Variants in TECRL observed in about 807,000 individuals in gnomAD.
TECRL encodes the protein trans-2,3-enoyl-CoA reductase-like.
A neutral mutation model predicts 52.8 loss-of-function variants in TECRL; 63 were observed. That is an observed-to-expected ratio of 1.19 (90% confidence interval 0.97 to 1.47). The LOEUF (loss-of-function observed/expected upper bound fraction) is 1.47, where lower values mean the gene tolerates loss of function less well. Ranked by LOEUF, TECRL falls within the 40% of genes most tolerant of loss-of-function variation. TECRL has a pLI of 0.00. For missense variants in TECRL, 482 were observed against 429.6 expected (o/e 1.12, Z -1.08); for synonymous variants, 164 against 141.9 (o/e 1.16, Z -1.10).
intron 2 of TECRL, among the ~76,000 whole-genome samples, chr4:64,360,720 G>A (rs1721122343): frequency 6.6e-6 from 1 of 152,130 alleles, no homozygotes; most frequent in Admixed American, 6.6e-5. Flanking sequence ...CCAAGCATTG[G>A]GACTCATTCC....
At chr4:64,402,177 A>C (rs189642008) in intron 1 of TECRL, among the ~76,000 whole-genome samples, 2 of 152,226 alleles carry the variant, frequency 1.3e-5, no homozygotes, top group East Asian at 3.9e-4. Context: ...TAACATTTAG[A>C]TGGCTTTCAA....
chr4:64,356,555 T>C (rs761304551), intron 2 of TECRL, among the ~76,000 whole-genome samples: 24 of 152,316 alleles, frequency 1.6e-4, no homozygotes, highest in Non-Finnish European at 3.4e-4. Context: ...CCTACATGCA[T>C]ATCCAGGCAT....
At chr4:64,286,027 G>T (rs1723064179) in intron 9 of TECRL, among the ~76,000 whole-genome samples, 1 of 152,012 alleles carries the variant, frequency 6.6e-6, no homozygotes, top group Non-Finnish European at 1.5e-5. Flanking sequence ...TTTCTTCAAA[G>T]TCAATTCACA....
chr4:64,370,107 A>G (rs1721879992), intron 2 of TECRL, among the ~76,000 whole-genome samples: 1 of 151,928 alleles, frequency 6.6e-6, no homozygotes, highest in Non-Finnish European at 1.5e-5. Flanking sequence ...AAGGTATAGG[A>G]ATACTTTGCA....
In TECRL at chr4:64,409,263, A is replaced by G. The variant is rs962845532; in HGVS notation, c.89T>C (p.Met30Thr). The G allele has an allele frequency of 1.9e-6, 3 of 1,613,794 alleles. No individual in the cohort carries two copies. The highest frequency in any genetic ancestry group is 2.7e-5 in the African/African-American group (2 of 74,924). ...RATRFILKDD[M>T]RNFHFLSKLV... ...TTTTGACAAAAAGTGAAAATTTCTC[A>G]TATCATCCTTCAGTATGAACCGTGT... Residue 30 changes from methionine (M) to threonine (T), a missense_variant, in exon 1 of 12, where the codon ATG (methionine) becomes ACG (threonine). Met to Thr is a moderately conservative substitution (Grantham distance 81, BLOSUM62 -1). Coordinates refer to ENST00000381210, the MANE Select transcript of TECRL (RefSeq NM_001010874.5).
rs147566764 is a variant in TECRL at position 64,363,579 on chromosome 4, C to A, written c.286+11593G>T. Among the ~76,000 whole-genome samples, 641 of 152,154 alleles carry A rather than the reference C, an allele frequency of 4.2e-3. 7 individuals carry two copies. Among genetic ancestry groups the A allele is most frequent in the African/African-American group, 0.015 (611 of 41,532 alleles). On this transcript the variant is annotated intron_variant, in intron 2 of 11. Coordinates refer to ENST00000381210, the MANE Select transcript of TECRL (RefSeq NM_001010874.5). Reference sequence around the variant, plus strand: ...TTCTGTATTTGTCCCGATTGGCTAGCAACTTAGAACTTTTTAAAAGAGGAG... The same window carrying A: ...TTCTGTATTTGTCCCGATTGGCTAGAAACTTAGAACTTTTTAAAAGAGGAG...
chr4:64,294,058 C>T (rs542658376), intron 8 of TECRL, among the ~76,000 whole-genome samples: 3 of 151,552 alleles, frequency 2.0e-5, no homozygotes, highest in African/African-American at 7.3e-5. Flanking sequence ...ATGATCTTGG[C>T]TCACTACAAC....
intron 1 of TECRL, among the ~76,000 whole-genome samples, chr4:64,406,578 T>C (rs1314881790): frequency 6.6e-6 from 1 of 152,040 alleles, no homozygotes; most frequent in Non-Finnish European, 1.5e-5. Context: ...AAAGCGCTAT[T>C]CTAAGCATGT....
At chr4:64,308,866 A>G (rs931689706) in intron 6 of TECRL, among the ~76,000 whole-genome samples, 6 of 152,250 alleles carry the variant, frequency 3.9e-5, no homozygotes, top group Non-Finnish European at 5.9e-5. Flanking sequence ...AAATTTGGTG[A>G]GAATTATTTT....
At chr4:64,293,251 C>T (rs1723492592) in intron 8 of TECRL, among the ~76,000 whole-genome samples, 1 of 152,060 alleles carries the variant, frequency 6.6e-6, no homozygotes, top group Non-Finnish European at 1.5e-5. Context: ...AATAAAAACA[C>T]TTACTTTTTC....
chr4:64,345,644 T>C (rs1719900883), intron 2 of TECRL, among the ~76,000 whole-genome samples: 1 of 151,662 alleles, frequency 6.6e-6, no homozygotes, highest in Admixed American at 6.6e-5. Context: ...GGCACATGTA[T>C]ACATATGTAA....
intron 9 of TECRL, among the ~76,000 whole-genome samples, chr4:64,289,446 A>G (rs1723253693): frequency 1.3e-5 from 2 of 152,132 alleles, no homozygotes. Context: ...TAGTTCATTT[A>G]TTTACATATT....
rs58075906 is a variant in TECRL, at chr4:64,374,025, C to T, written c.286+1147G>A. On this transcript the variant is annotated intron_variant, in intron 2 of 11. Coordinates refer to ENST00000381210, the MANE Select transcript of TECRL (RefSeq NM_001010874.5). ...ACTATAGTATAGTATATAGTAGATACATATATATATATGTATATAGTAGAT... is the reference window on the plus strand; with the variant it reads ...ACTATAGTATAGTATATAGTAGATATATATATATATATGTATATAGTAGAT... Among the ~76,000 whole-genome samples, 169 of 52,030 alleles carry T rather than the reference C, an allele frequency of 3.2e-3. 2 individuals carry two copies. The highest frequency in any genetic ancestry group is 0.011 in the African/African-American group (159 of 14,634). The allele number at this position is 52,030 out of a possible 152,430, so 34.1% of individuals were successfully genotyped here. A position where few individuals can be genotyped will look rare whatever the true frequency, so the allele number is the denominator to read the frequency against.
At chr4:64,394,699 G>A (rs1446868820) in intron 1 of TECRL, among the ~76,000 whole-genome samples, 1 of 152,080 alleles carries the variant, frequency 6.6e-6, no homozygotes, top group Non-Finnish European at 1.5e-5. Context: ...CTACGTGGTG[G>A]AGGAGAGTAA....
At chr4:64,334,348 G>T (rs1030625994) in intron 2 of TECRL, among the ~76,000 whole-genome samples, 2 of 152,106 alleles carry the variant, frequency 1.3e-5, no homozygotes, top group African/African-American at 4.8e-5. Context: ...TTTATTCTCT[G>T]TAAACCATTT....
chr4:64,351,572 C>T (rs1720390749), intron 2 of TECRL, among the ~76,000 whole-genome samples: 1 of 151,940 alleles, frequency 6.6e-6, no homozygotes, highest in South Asian at 2.1e-4. Context: ...TGTGCCCAGC[C>T]AAAGGGACAA....
intron 1 of TECRL, among the ~76,000 whole-genome samples, chr4:64,401,355 C>T (rs1245294252): frequency 6.6e-6 from 1 of 152,112 alleles, no homozygotes; most frequent in African/African-American, 2.4e-5. Flanking sequence ...TTTCCTGCCT[C>T]TTTTTTTCTT....
intron 1 of TECRL, among the ~76,000 whole-genome samples, chr4:64,381,764 C>G (rs1722811199): frequency 1.3e-5 from 2 of 151,770 alleles, no homozygotes; most frequent in African/African-American, 4.8e-5. Context: ...AGGGTATTAT[C>G]TTTTTGATGT....
At chr4:64,301,548 C>T (rs774004206) in intron 7 of TECRL, among the ~76,000 whole-genome samples, 2 of 150,858 alleles carry the variant, frequency 1.3e-5, no homozygotes, top group Non-Finnish European at 3.0e-5. Context: ...ATAGTCTGAC[C>T]CAGAAAAGTA....
Sources: gnomAD v4.1 joint callset for allele counts (sites outside exome capture counted in the v4.1 genomes callset) on GRCh38, gnomAD v4.1.1 for gene constraint, MANE v1.5 for transcripts, NCBI Gene and HGNC (gene_info 2026-07-23, HGNC 2026-07-21) for gene names.